TSR1: variants seen among roughly 807,000 people sequenced by gnomAD.
The protein encoded by TSR1 is TSR1 ribosome maturation factor, also known as pre-rRNA-processing protein TSR1 homolog.
In TSR1, 81 loss-of-function variants were observed where a neutral mutation model predicts 90.9. That is an observed-to-expected ratio of 0.89 (90% CI 0.74 to 1.07). The LOEUF (loss-of-function observed/expected upper bound fraction) is 1.07. TSR1 is among the 50% of genes least tolerant of loss of function. TSR1 has a pLI of 0.00. For synonymous variants in TSR1, 362 were observed against 348.8 expected, an observed-to-expected ratio of 1.04 and a Z score of -0.42; for missense variants, 989 against 987.3, an observed-to-expected ratio of 1.00 and a Z score of -0.02.
At position 2,335,538 on chromosome 17, in the gene TSR1, G is replaced by C. The variant is rs770219560; in HGVS notation, c.394C>G (p.Arg132Gly). 2 of 1,613,802 alleles carry C rather than the reference G, an allele frequency of 1.2e-6. No homozygotes were observed. Among genetic ancestry groups the C allele is most frequent in the Non-Finnish European group, 1.7e-6 (2 of 1,180,008 alleles). ...GGCCTTGCTGAGGTGAAAAACCACC[G>C]ATGTTTCAAGCGGGGGCACAGCAGC... ...FMLLCPRLKH[R>G]WFFTSARPGD... Residue 132 changes from arginine to glycine, a missense_variant, in exon 3 of 15, where the codon CGG becomes GGG. By Grantham distance (125) the Arg-to-Gly change is moderately radical (BLOSUM62 -2). Transcript: ENST00000301364.
chr17:2,327,135 G>A (rs1291632753), intron 11 of TSR1, among the ~76,000 whole-genome samples: 1 of 151,178 alleles, frequency 6.6e-6, no homozygotes, highest in African/African-American at 2.4e-5. Context: ...TTTCGTAGAG[G>A]CCGGGCATGT....
chr17:2,333,294 A>G, intron 6 of TSR1, 170 bp from the exon 7 acceptor site: 1 of 882,434 alleles, frequency 1.1e-6, no homozygotes, highest in Non-Finnish European at 1.8e-6. Flanking sequence ...AACTAGCAAT[A>G]CTTACACAGC....
chr17:2,333,341 T>C, intron 6 of TSR1: 2 of 854,046 alleles, frequency 2.3e-6, no homozygotes, highest in Non-Finnish European at 3.8e-6. Flanking sequence ...GTTGTTTATC[T>C]GTTCATGATA....
At chr17:2,330,283 G>T in intron 10 of TSR1, 1 of 654,134 alleles carries the variant, frequency 1.5e-6, no homozygotes, top group Non-Finnish European at 2.9e-6. Flanking sequence ...CATACTTGGA[G>T]AAGTCTCAGA....
chr17:2,331,080 A>C lies in TSR1; in HGVS notation c.1526T>G (p.Phe509Cys). ...RFQKYRGLKS[F>C]RTSPWDPKEN... ...CTTAGGATCCCATGGAGATGTCCGGAAGCTCTTAAGGCCTCTGTATTTCTG... is the reference window on the plus strand; with the variant it reads ...CTTAGGATCCCATGGAGATGTCCGGCAGCTCTTAAGGCCTCTGTATTTCTG... Residue 509 changes from phenylalanine (F) to cysteine (C), a missense_variant, in exon 9 of 15, where the codon TTC becomes TGC. Physicochemically the swap from Phe to Cys is radical, Grantham distance 205. Coordinates refer to ENST00000301364, the MANE Select transcript of TSR1 (RefSeq NM_018128.5). 3 of 1,598,434 alleles carry C rather than the reference A, an allele frequency of 1.9e-6. No individual in the cohort carries two copies.
chr17:2,331,430 T>G (rs1175062905), intron 8 of TSR1, among the ~76,000 whole-genome samples: 1 of 152,122 alleles, frequency 6.6e-6, no homozygotes, highest in South Asian at 2.1e-4. Flanking sequence ...GTGACTGCAT[T>G]AGGGGAGAGG....
At chr17:2,325,272 C>A in intron 12 of TSR1, 32 bp downstream of exon 12, 1 of 1,508,430 alleles carries the variant, frequency 6.6e-7, no homozygotes, top group Non-Finnish European at 9.1e-7. Context: ...TAAGGACCTG[C>A]AGGGTCTGTT....
Position 2,334,869 on chromosome 17 carries a change from A to C in TSR1, c.584T>G (p.Leu195Arg). ...YTLAVQGISGLPLKKQIDTRK... is the reference protein window; with the variant it reads ...YTLAVQGISGRPLKKQIDTRK... ...GGTATCTATTTGTTTCTTCAGTGGGAGGCCAGAAATCCCCTGGACAGCTAG... is the reference window on the plus strand; with the variant it reads ...GGTATCTATTTGTTTCTTCAGTGGGCGGCCAGAAATCCCCTGGACAGCTAG... The change falls in exon 5 of 15, where the codon CTC (leucine) becomes CGC (arginine). Residue 195 changes from leucine (L) to arginine (R), a missense_variant. Leu to Arg is a moderately radical substitution (Grantham distance 102). Transcript: ENST00000301364. The C allele has an allele frequency of 6.2e-7, 1 of 1,612,964 alleles. No homozygotes were observed. Among genetic ancestry groups the C allele is most frequent in the Non-Finnish European group, 8.5e-7 (1 of 1,179,576 alleles).
intron 11 of TSR1, among the ~76,000 whole-genome samples, chr17:2,328,502 T>C (rs1168926710): frequency 1.3e-5 from 2 of 150,868 alleles, no homozygotes; most frequent in Admixed American, 1.3e-4. Context: ...GGCAGGAGAA[T>C]TGCTTGAACC....
At chr17:2,331,137 T>A (rs780085918) in intron 8 of TSR1, 28 bp from the exon 9 acceptor site, 2 of 1,546,290 alleles carry the variant, frequency 1.3e-6, no homozygotes, top group Admixed American at 4.3e-5. Flanking sequence ...TTTAAAGACA[T>A]TAAGTCAGAT....
In TSR1 at chr17:2,330,950, A is replaced by G. The variant is rs146663405; in HGVS notation, c.1656T>C (p.Ala552=). The part of the protein sequence containing the change: ...KEVEEKEVEG[A]EVGWYVTLHV... The stretch of plus-strand genomic sequence containing the variant: ...GATGAACAAGGAGGATAGATACCTC[A>G]GCTCCTTCAACCTCTTTTTCTTCAA... The change falls in exon 9 of 15, where the codon GCT becomes GCC. Residue 552 remains alanine (A), a synonymous_variant. Coordinates refer to ENST00000301364, the MANE Select transcript of TSR1 (RefSeq NM_018128.5). 1,234 of 1,585,666 alleles carry G rather than the reference A, an allele frequency of 7.8e-4. 5 individuals are homozygous for G. The highest frequency in any genetic ancestry group is 6.4e-3 in the African/African-American group (472 of 73,294).
Position 2,323,168 on chromosome 17 carries a change from T to C in TSR1, c.*1028A>G. On this transcript the variant is annotated 3_prime_UTR_variant, in exon 15 of 15. Transcript: ENST00000301364. Reference sequence around the variant, plus strand: ...AACCTAGTGTGAAGGTATATGCTGCTGAACCCTCAAATGCAGATGACTGCT... The same window carrying C: ...AACCTAGTGTGAAGGTATATGCTGCCGAACCCTCAAATGCAGATGACTGCT... 6.2e-7 allele frequency: 1 copy of C among 1,614,236 alleles called. No individual in the cohort carries two copies. The highest frequency in any genetic ancestry group is 1.1e-5 in the South Asian group (1 of 91,082).
At chr17:2,325,575 C>T (rs182394902) in intron 11 of TSR1, among the ~76,000 whole-genome samples, 155 bp from the exon 12 acceptor site, 1 of 152,100 alleles carries the variant, frequency 6.6e-6, no homozygotes, top group Non-Finnish European at 1.5e-5. Context: ...TGCCTCAATG[C>T]ACCTAAAAGA....
At chr17:2,330,242 C>A (rs374241082) in intron 10 of TSR1, 11 of 571,368 alleles carry the variant, frequency 1.9e-5, no homozygotes, top group Non-Finnish European at 3.4e-5. Context: ...TTTAAGGCTG[C>A]CAACCCTTAT....
At chr17:2,332,033 C>A in intron 8 of TSR1, 136 bp downstream of exon 8, 1 of 906,636 alleles carries the variant, frequency 1.1e-6, no homozygotes, top group Non-Finnish European at 1.7e-6. Flanking sequence ...TCCTGCCTTC[C>A]CATATTAAAT....
intron 10 of TSR1, 196 bp downstream of exon 10, chr17:2,330,319 A>T (rs781413837): frequency 1.7e-4 from 122 of 713,504 alleles, no homozygotes; most frequent in Non-Finnish European, 2.1e-5. Flanking sequence ...CATCACTGAG[A>T]TGCTTCAGAC....
chr17:2,326,250 G>C (rs947167647), intron 11 of TSR1, among the ~76,000 whole-genome samples: 2 of 152,126 alleles, frequency 1.3e-5, no homozygotes, highest in South Asian at 2.1e-4. Flanking sequence ...CACAATTGGT[G>C]AGAATAAAAA....
intron 11 of TSR1, among the ~76,000 whole-genome samples, chr17:2,326,632 C>A (rs2075577577): frequency 6.6e-6 from 1 of 152,160 alleles, no homozygotes; most frequent in African/African-American, 2.4e-5. Context: ...GTAGCCCTCA[C>A]CCCCCTTTTA....
rs903899013 is a variant in TSR1 at position 2,324,100 on chromosome 17, G to A, written c.*96C>T. ...GCAAAATGGGGCAGTGGACTGACAG[G>A]CTGACATAGAAAATAAACTTTGCCC... On this transcript the variant is annotated 3_prime_UTR_variant, in exon 15 of 15. Transcript: ENST00000301364. The A allele has an allele frequency of 4.1e-6, 6 of 1,449,582 alleles. No homozygotes were observed. In the African/African-American group the frequency reaches 7.1e-5, roughly 17 times the overall value. 89.8% of individuals were successfully genotyped at this position (1,449,582 alleles called of 1,614,324 possible).
Sources: allele counts gnomAD v4.1 joint callset (sites outside exome capture counted in the v4.1 genomes callset), GRCh38; gene constraint gnomAD v4.1.1; transcripts MANE v1.5; gene names NCBI Gene and HGNC (gene_info 2026-07-23, HGNC 2026-07-21).